ZNF280D: variants seen among roughly 807,000 people sequenced by gnomAD.
ZNF280D encodes zinc finger protein 280D, also known as suppressor of hairy wing homolog 4.
In ZNF280D, 39 loss-of-function variants were observed where a neutral mutation model predicts 94.7. The ratio of observed to expected loss-of-function variants is 0.41; its 90% CI spans 0.32 to 0.54. ZNF280D has a LOEUF of 0.54. Ranked by LOEUF, ZNF280D falls within the 20% of genes least tolerant of loss-of-function variation. ZNF280D has a pLI of 0.22. For missense variants in ZNF280D, 1,090 were observed against 1,149.3 expected (o/e 0.95, Z 0.75); for synonymous variants, 398 against 377.6 (o/e 1.05, Z -0.63).
chr15:56,631,663 CT>C lies in ZNF280D; in HGVS notation c.2774del (p.Glu925GlyfsTer25). On this transcript the variant is annotated frameshift_variant, in exon 22 of 22. Coordinates refer to ENST00000267807, the MANE Select transcript of ZNF280D (RefSeq NM_017661.4). LOFTEE classifies it low-confidence loss of function (END_TRUNC). ...TCTCTGTGGCTTCATACTCAAGTACCTCGGATGGAGTCAGAGGTTCCAAATG... is the reference window on the plus strand; with the variant it reads ...TCTCTGTGGCTTCATACTCAAGTACCCGGATGGAGTCAGAGGTTCCAAATG... ...SIHLEPLTPS[E>X]VLEYEATEIL... The C allele has an allele frequency of 6.2e-7, 1 of 1,614,142 alleles. No individual in the cohort carries two copies. Among genetic ancestry groups the C allele is most frequent in the Non-Finnish European group, 8.5e-7 (1 of 1,180,014 alleles).
intron 17 of ZNF280D, among the ~76,000 whole-genome samples, 178 bp downstream of exon 17, chr15:56,658,246 A>C (rs1260987266): frequency 6.6e-6 from 1 of 152,180 alleles, no homozygotes; most frequent in Non-Finnish European, 1.5e-5. Flanking sequence ...TTCTGGAGTG[A>C]TAAAAATGTA....
intron 20 of ZNF280D, among the ~76,000 whole-genome samples, chr15:56,641,558 T>C (rs746974311): frequency 8.6e-5 from 13 of 151,964 alleles, no homozygotes; most frequent in Non-Finnish European, 1.0e-4. Context: ...GAATATCCTG[T>C]TTGCTCACTG....
intron 19 of ZNF280D, chr15:56,643,213 A>G (rs2052716063): frequency 3.1e-6 from 1 of 318,504 alleles, no homozygotes; most frequent in South Asian, 1.4e-4. Flanking sequence ...CTAAATCAAT[A>G]AAGACATTTA....
chr15:56,666,566 T>C (rs1159387237), intron 15 of ZNF280D, 31 bp from the exon 16 acceptor site: 2 of 1,549,828 alleles, frequency 1.3e-6, no homozygotes, highest in Non-Finnish European at 1.7e-6. Flanking sequence ...ATGATAAAAA[T>C]ATATTTTAAA....
chr15:56,706,540 C>T (rs1198298928), intron 3 of ZNF280D, among the ~76,000 whole-genome samples: 1 of 151,942 alleles, frequency 6.6e-6, no homozygotes, highest in Admixed American at 6.6e-5. Context: ...AGAAGAGAGG[C>T]CTCAAACCCT....
At chr15:56,697,377 G>T (rs1431933106) in intron 6 of ZNF280D, among the ~76,000 whole-genome samples, 1 of 152,074 alleles carries the variant, frequency 6.6e-6, no homozygotes, top group Non-Finnish European at 1.5e-5. Context: ...TAGAGACAGG[G>T]TTTTGCCCTG....
chr15:56,724,101 G>A lies in ZNF280D; in HGVS notation c.-86+9357C>T, dbSNP rs188723228. Among the ~76,000 whole-genome samples the A allele has an allele frequency of 3.8e-3, 580 of 152,170 alleles. 2 individuals are homozygous for A. Among genetic ancestry groups the A allele is most frequent in the Non-Finnish European group, 5.8e-3 (397 of 68,010 alleles). On this transcript the variant is annotated intron_variant, in intron 1 of 21. Transcript: ENST00000267807. The stretch of plus-strand genomic sequence containing the variant: ...ACCACATATCACTAGCCCGGAAAAA[G>A]ATCAAAATTCAAAACTTGAAGTACA...
At chr15:56,680,183 T>A (rs79658765) in intron 10 of ZNF280D, among the ~76,000 whole-genome samples, 4,226 of 152,252 alleles carry the variant, frequency 0.028, 187 homozygotes, top group African/African-American at 0.096. Flanking sequence ...CCACAATATA[T>A]TGACATGGCA....
chr15:56,721,408 C>A (rs2058351509), intron 1 of ZNF280D, among the ~76,000 whole-genome samples: 1 of 152,220 alleles, frequency 6.6e-6, no homozygotes, highest in Non-Finnish European at 1.5e-5. Context: ...CCAGGCATGA[C>A]TTCTCCTTTC....
chr15:56,651,477 T>A (rs548471088), intron 19 of ZNF280D, among the ~76,000 whole-genome samples: 51 of 152,248 alleles, frequency 3.3e-4, no homozygotes, highest in South Asian at 6.2e-4. Flanking sequence ...AACCTTTTTT[T>A]AAAAATGAAT....
At chr15:56,672,070 A>C (rs748693645) in intron 13 of ZNF280D, among the ~76,000 whole-genome samples, 12 of 152,034 alleles carry the variant, frequency 7.9e-5, no homozygotes, top group Non-Finnish European at 1.5e-4. Context: ...TCAGCTTAAG[A>C]AGCTTTTGGG....
intron 13 of ZNF280D, 94 bp from the exon 14 acceptor site, chr15:56,669,051 A>C: frequency 8.5e-7 from 1 of 1,178,248 alleles, no homozygotes; most frequent in South Asian, 1.4e-5. Flanking sequence ...AATGATACCT[A>C]AATAATGTAA....
rs1302202922 is a variant in ZNF280D at position 56,650,725 on chromosome 15, AAAAG to A, written c.2213+3469_2213+3472del. On this transcript the variant is annotated intron_variant, in intron 19 of 21. Coordinates refer to ENST00000267807, the MANE Select transcript of ZNF280D (RefSeq NM_017661.4). ...TTCTATTCTCAACTTTTTGTCAAGA[AAAAG>A]AAACTTACAAAACTCAAACCTTTAC... Among the ~76,000 whole-genome samples the A allele has an allele frequency of 2.3e-4, 35 of 152,306 alleles. No homozygotes were observed. In the East Asian group the frequency reaches 6.0e-3, roughly 26 times the overall value.
At chr15:56,649,469 A>G (rs1184472905) in intron 19 of ZNF280D, among the ~76,000 whole-genome samples, 1 of 152,152 alleles carries the variant, frequency 6.6e-6, no homozygotes, top group Admixed American at 6.6e-5. Flanking sequence ...AAAAGGAAGA[A>G]CTATTTTACA....
intron 4 of ZNF280D, 75 bp downstream of exon 4, chr15:56,704,046 A>G (rs1478027824): frequency 1.3e-6 from 2 of 1,524,478 alleles, no homozygotes; most frequent in South Asian, 1.2e-5. Flanking sequence ...TCAACTACCT[A>G]TTAAACAGTT....
intron 19 of ZNF280D, 51 bp downstream of exon 19, chr15:56,654,147 T>G: frequency 6.4e-7 from 1 of 1,574,786 alleles, no homozygotes; most frequent in Non-Finnish European, 8.6e-7. Flanking sequence ...AAAAATGCAA[T>G]AGTGCTAAAA....
At chr15:56,699,361 T>A in intron 6 of ZNF280D, 1 of 942,094 alleles carries the variant, frequency 1.1e-6, no homozygotes, top group Non-Finnish European at 1.3e-6. Context: ...ATCACTAAAT[T>A]CTTTAATAAC....
At chr15:56,712,220 T>A (rs1312397208) in intron 1 of ZNF280D, among the ~76,000 whole-genome samples, 2 of 152,304 alleles carry the variant, frequency 1.3e-5, no homozygotes, top group African/African-American at 4.8e-5. Context: ...ATTTTAACCC[T>A]CATATAAACA....
chr15:56,725,034 G>C, intron 1 of ZNF280D: 1 of 351,716 alleles, frequency 2.8e-6, no homozygotes, highest in East Asian at 7.4e-5. Flanking sequence ...CAAGAGATAC[G>C]ACAGAGATTA....
Sources: gnomAD v4.1 joint callset for allele counts (sites outside exome capture counted in the v4.1 genomes callset) on GRCh38, gnomAD v4.1.1 for gene constraint, MANE v1.5 for transcripts, NCBI Gene and HGNC (gene_info 2026-07-23, HGNC 2026-07-21) for gene names.